The following SUGCT variants were observed in gnomAD, a reference collection of about 807,000 sequenced individuals.
SUGCT encodes succinyl-CoA:glutarate CoA-transferase.
Under a neutral mutation model 55.0 loss-of-function variants are expected in SUGCT, and 41 were observed. The observed-to-expected ratio is 0.74, with a 90% CI of 0.58 to 0.97. SUGCT has a LOEUF of 0.97. Ranked by LOEUF, SUGCT falls within the 50% of genes least tolerant of loss-of-function variation. The pLI is 0.00. For synonymous variants in SUGCT, 187 were observed against 200.4 expected (o/e 0.93, Z 0.56); for missense variants, 568 against 547.8 (o/e 1.04, Z -0.37).
chr7:40,168,401 G>C (rs1469742003), intron 1 of SUGCT, among the ~76,000 whole-genome samples: 1 of 152,104 alleles, frequency 6.6e-6, no homozygotes, highest in East Asian at 1.9e-4. Context: ...AGGGGTCCGT[G>C]GTAGATCTTA....
chr7:40,708,515 A>G (rs561197028), intron 12 of SUGCT, among the ~76,000 whole-genome samples: 5 of 152,138 alleles, frequency 3.3e-5, no homozygotes, highest in African/African-American at 1.2e-4. Flanking sequence ...CATTAGCTCA[A>G]TCATGCCACC....
intron 5 of SUGCT, among the ~76,000 whole-genome samples, chr7:40,191,876 G>T (rs1004197359): frequency 6.6e-6 from 1 of 152,114 alleles, no homozygotes; most frequent in East Asian, 1.9e-4. Flanking sequence ...TTGGGACGCC[G>T]AGGTGGGCGG....
At chr7:40,680,803 A>G (rs535957252) in intron 12 of SUGCT, among the ~76,000 whole-genome samples, 2 of 152,278 alleles carry the variant, frequency 1.3e-5, no homozygotes, top group Admixed American at 6.5e-5. Context: ...AGTCATGATC[A>G]TTCTACCTGG....
At chr7:40,743,437 A>G (rs1322754414) in intron 12 of SUGCT, among the ~76,000 whole-genome samples, 1 of 152,248 alleles carries the variant, frequency 6.6e-6, no homozygotes, top group Non-Finnish European at 1.5e-5. Context: ...TCTACCAGAT[A>G]GTGCCAGATA....
chr7:41,018,425 G>A, the SUGCT span, among the ~76,000 whole-genome samples: 1 of 152,178 alleles, frequency 6.6e-6, no homozygotes, highest in South Asian at 2.1e-4. Flanking sequence ...AGGGAAAGGT[G>A]AGGAAGCATG....
At chr7:40,594,239 T>A (rs1017037431) in intron 12 of SUGCT, among the ~76,000 whole-genome samples, 2 of 150,852 alleles carry the variant, frequency 1.3e-5, no homozygotes, top group African/African-American at 4.9e-5. Flanking sequence ...GACGAGTTAG[T>A]GGGTGCAGCG....
intron 9 of SUGCT, among the ~76,000 whole-genome samples, chr7:40,355,435 A>G (rs960842424): frequency 6.6e-6 from 1 of 152,176 alleles, no homozygotes; most frequent in Non-Finnish European, 1.5e-5. Context: ...GGCAATATTA[A>G]CCATATATGC....
intron 12 of SUGCT, among the ~76,000 whole-genome samples, chr7:40,574,984 C>A (rs1796647467): frequency 6.6e-6 from 1 of 152,002 alleles, no homozygotes; most frequent in South Asian, 2.1e-4. Flanking sequence ...CAAACTCAAC[C>A]ATTTGAACCA....
intron 12 of SUGCT, among the ~76,000 whole-genome samples, chr7:40,679,945 AT>A: frequency 6.6e-6 from 1 of 152,190 alleles, no homozygotes; most frequent in East Asian, 1.9e-4. Context: ...ATAGAAAGAT[AT>A]GCTGTTTGAT....
At position 40,407,681 on chromosome 7, in the gene SUGCT, C is replaced by G. The variant is rs372803721; in HGVS notation, c.817-41606C>G. Reference sequence around the variant, plus strand: ...GGCACTCCTCTGCAAAAGGATTTGGCAGATCTGAGCTTTTAGAAAGCTTTT... The same window carrying G: ...GGCACTCCTCTGCAAAAGGATTTGGGAGATCTGAGCTTTTAGAAAGCTTTT... On this transcript the variant is annotated intron_variant, in intron 9 of 13. Coordinates refer to ENST00000335693, the MANE Select transcript of SUGCT (RefSeq NM_001193313.2). Among the ~76,000 whole-genome samples, 89 of 152,142 alleles carry G rather than the reference C, an allele frequency of 5.8e-4. No individual in the cohort carries two copies. In the Middle Eastern group the frequency reaches 0.017, roughly 29 times the overall value.
At chr7:40,798,335 G>T (rs964848407) in intron 13 of SUGCT, among the ~76,000 whole-genome samples, 5 of 152,068 alleles carry the variant, frequency 3.3e-5, no homozygotes, top group African/African-American at 1.2e-4. Context: ...AATAACTCTG[G>T]CTCTTTTGAT....
intron 12 of SUGCT, among the ~76,000 whole-genome samples, chr7:40,584,654 T>C (rs1323919574): frequency 2.0e-5 from 3 of 152,194 alleles, no homozygotes; most frequent in Admixed American, 6.5e-5. Context: ...ATGAATAAAC[T>C]GATGACAGGA....
chr7:40,875,065 C>T, the SUGCT span, among the ~76,000 whole-genome samples: 117 of 152,344 alleles, frequency 7.7e-4, no homozygotes, highest in Non-Finnish European at 1.2e-3. Context: ...TTTCCTTGCA[C>T]TCTGAGTTCT....
At chr7:41,003,132 C>T in the SUGCT span, among the ~76,000 whole-genome samples, 4 of 152,232 alleles carry the variant, frequency 2.6e-5, no homozygotes, top group Admixed American at 6.5e-5. Flanking sequence ...AATGTCGGTG[C>T]GTTTCTTTTC....
intron 12 of SUGCT, among the ~76,000 whole-genome samples, chr7:40,553,109 TA>T (rs1430636801): frequency 2.0e-5 from 3 of 152,206 alleles, no homozygotes; most frequent in Admixed American, 1.3e-4. Context: ...GGGCAGGTAA[TA>T]ATTACTTTTG....
intron 6 of SUGCT, among the ~76,000 whole-genome samples, chr7:40,234,257 G>A (rs1367696489): frequency 6.6e-6 from 1 of 152,164 alleles, no homozygotes; most frequent in Non-Finnish European, 1.5e-5. Context: ...GAGATAACAG[G>A]TGGTTCACAG....
chr7:40,452,532 C>A (rs970712756), intron 10 of SUGCT, among the ~76,000 whole-genome samples: 2 of 152,084 alleles, frequency 1.3e-5, no homozygotes, highest in African/African-American at 4.8e-5. Context: ...AGTTTTTAGA[C>A]CACCTGCTCC....
intron 1 of SUGCT, among the ~76,000 whole-genome samples, chr7:40,180,559 A>G (rs1192371925): frequency 1.3e-5 from 2 of 150,538 alleles, no homozygotes; most frequent in Non-Finnish European, 3.0e-5. Flanking sequence ...GCATGATCTC[A>G]ACTCACTGCA....
At position 40,684,075 on chromosome 7, in the gene SUGCT, A is replaced by C. The variant is rs1333418910; in HGVS notation, c.1090-65359A>C. The C allele has an allele frequency of 5.0e-6, 8 of 1,612,272 alleles. No individual in the cohort carries two copies. The African/African-American group carries it at 1.1e-4, about 22-fold the overall frequency. On this transcript the variant is annotated intron_variant, in intron 12 of 13. Transcript: ENST00000335693. ...CAATAGAACGCTGTCTCTGGCTTCC[A>C]AAGCCTGCTGCATTCCTTGGCCCAT...
Sources: gnomAD v4.1 joint callset for allele counts (sites outside exome capture counted in the v4.1 genomes callset) on GRCh38, gnomAD v4.1.1 for gene constraint, MANE v1.5 for transcripts, NCBI Gene and HGNC (gene_info 2026-07-23, HGNC 2026-07-21) for gene names.